Variants in ARHGAP5 observed in about 807,000 individuals in gnomAD.
ARHGAP5 encodes the protein Rho GTPase activating protein 5.
Under a neutral mutation model 116.6 loss-of-function variants are expected in ARHGAP5, and 23 were observed. That is an observed-to-expected ratio of 0.20 (90% confidence interval 0.14 to 0.28). The LOEUF (loss-of-function observed/expected upper bound fraction) is 0.28. Among genes scored for constraint, ARHGAP5 ranks in the 10% least tolerant of loss-of-function variants. The pLI is 1.00. For synonymous variants in ARHGAP5, 574 were observed against 602.0 expected, an observed-to-expected ratio of 0.95 and a Z score of 0.68; for missense variants, 1,405 against 1,774.8, an observed-to-expected ratio of 0.79 and a Z score of 3.74.
At chr14:32,132,898 A>G (rs982946794) in intron 3 of ARHGAP5, among the ~76,000 whole-genome samples, 4 of 152,126 alleles carry the variant, frequency 2.6e-5, no homozygotes, top group Admixed American at 1.3e-4. Flanking sequence ...ATAGTTGTAG[A>G]TATGTGGCAT....
rs374340165 is a variant in ARHGAP5, at chr14:32,109,486, G to A, written c.3718-7654G>A. 1.5e-4 allele frequency among the ~76,000 whole-genome samples: 23 copies of A among 152,064 alleles called. No individual in the cohort carries two copies. The East Asian group carries it at 1.9e-3, about 13-fold the overall frequency. The stretch of plus-strand genomic sequence containing the variant: ...CGCTCGTCTCCCTTTATATAGGGTA[G>A]GTTGAGGCTTTTAGTTCTGGCCTGT... On this transcript the variant is annotated intron_variant, in intron 2 of 6. Coordinates refer to ENST00000345122, the MANE Select transcript of ARHGAP5 (RefSeq NM_001030055.2).
chr14:32,158,216 A>G lies in ARHGAP5; in HGVS notation c.*3268A>G, dbSNP rs1278255982. On this transcript the variant is annotated 3_prime_UTR_variant, in exon 7 of 7. Coordinates refer to ENST00000345122, the MANE Select transcript of ARHGAP5 (RefSeq NM_001030055.2). ...TTTTTTCAAGTGAAATGAAAAATAA[A>G]AATATAAATTTATCAATATGATGGA... The G allele has an allele frequency of 1.3e-5, 2 of 151,844 alleles. No individual in the cohort carries two copies. Among genetic ancestry groups the G allele is most frequent in the East Asian group, 3.8e-4 (2 of 5,204 alleles). 9.4% of individuals were successfully genotyped at this position (151,844 alleles called of 1,614,324 possible).
rs1414040860 is a variant in ARHGAP5 at position 32,091,828 on chromosome 14, G to A, written c.1159G>A (p.Asp387Asn). 1 of 1,613,560 alleles carries A rather than the reference G, an allele frequency of 6.2e-7. No individual in the cohort carries two copies. The highest frequency in any genetic ancestry group is 2.2e-5 in the East Asian group (1 of 44,866). The change falls in exon 2 of 7, where the codon GAT becomes AAT. Residue 387 changes from aspartate (D) to asparagine (N), a missense_variant. Coordinates refer to ENST00000345122, the MANE Select transcript of ARHGAP5 (RefSeq NM_001030055.2). Reference protein sequence around the residue: ...CFVVLEKTPWDETDHIDKIND... With the variant: ...CFVVLEKTPWNETDHIDKIND... Reference sequence around the variant, plus strand: ...TGTGGTGCTAGAAAAAACTCCTTGGGATGAAACTGACCATATAGACAAAAT... The same window carrying A: ...TGTGGTGCTAGAAAAAACTCCTTGGAATGAAACTGACCATATAGACAAAAT...
intron 2 of ARHGAP5, among the ~76,000 whole-genome samples, chr14:32,095,390 A>T (rs1278496906): frequency 6.8e-6 from 1 of 147,426 alleles, no homozygotes; most frequent in Non-Finnish European, 1.5e-5. Context: ...TGGAAAAGGC[A>T]TGTAAACTTT....
chr14:32,110,141 GTATGT>G, intron 2 of ARHGAP5, among the ~76,000 whole-genome samples: 1 of 151,766 alleles, frequency 6.6e-6, no homozygotes, highest in Non-Finnish European at 1.5e-5. Context: ...GATGTTTGAG[GTATGT>G]TGATGAACAA....
At position 32,127,063 on chromosome 14, in the gene ARHGAP5, T is replaced by C. The variant is rs138344196; in HGVS notation, c.3865+9776T>C. The stretch of plus-strand genomic sequence containing the variant: ...CCCAGGCTGGAGTACAGTGGTGTAG[T>C]CTTGGCTCACTGCGACCTCCACCTC... On this transcript the variant is annotated intron_variant, in intron 3 of 6. Coordinates refer to ENST00000345122, the MANE Select transcript of ARHGAP5 (RefSeq NM_001030055.2). Among the ~76,000 whole-genome samples the C allele has an allele frequency of 8.3e-3, 1,252 of 150,222 alleles. 22 individuals carry two copies. The highest frequency in any genetic ancestry group is 0.028 in the African/African-American group (1,136 of 40,778).
At chr14:32,113,980 G>C (rs1879431200) in intron 2 of ARHGAP5, among the ~76,000 whole-genome samples, 1 of 152,178 alleles carries the variant, frequency 6.6e-6, no homozygotes, top group African/African-American at 2.4e-5. Context: ...TGTAATCCCA[G>C]CACTTTGGGA....
At chr14:32,140,058 TTCTC>T (rs200484738) in intron 3 of ARHGAP5, among the ~76,000 whole-genome samples, 1 of 147,442 alleles carries the variant, frequency 6.8e-6, no homozygotes, top group Non-Finnish European at 1.5e-5. Flanking sequence ...CCACTTCCTT[TTCTC>T]TCTCTTTTTT....
At chr14:32,111,776 TTC>T (rs1332795234) in intron 2 of ARHGAP5, among the ~76,000 whole-genome samples, 1 of 152,076 alleles carries the variant, frequency 6.6e-6, no homozygotes, top group African/African-American at 2.4e-5. Context: ...AGGTTTTTGT[TTC>T]TGTGATGAGT....
At chr14:32,129,291 A>G (rs1880355000) in intron 3 of ARHGAP5, among the ~76,000 whole-genome samples, 1 of 152,064 alleles carries the variant, frequency 6.6e-6, no homozygotes, top group South Asian at 2.1e-4. Flanking sequence ...CAGTTATGCT[A>G]GAGTAGGTGA....
intron 2 of ARHGAP5, among the ~76,000 whole-genome samples, chr14:32,098,248 CAGAT>C (rs554265785): frequency 2.0e-5 from 3 of 152,166 alleles, no homozygotes; most frequent in African/African-American, 7.2e-5. Context: ...TACTGGCACA[CAGAT>C]AGGCATATCG....
intron 1 of ARHGAP5, among the ~76,000 whole-genome samples, chr14:32,080,110 A>G (rs2041757125): frequency 6.6e-6 from 1 of 152,062 alleles, no homozygotes; most frequent in Non-Finnish European, 1.5e-5. Flanking sequence ...AAACCATATT[A>G]GAAATTAAGA....
intron 2 of ARHGAP5, among the ~76,000 whole-genome samples, chr14:32,102,717 C>T (rs924201461): frequency 1.3e-5 from 2 of 152,222 alleles, no homozygotes; most frequent in Admixed American, 6.5e-5. Flanking sequence ...TAGCACAGTA[C>T]TCTGTGTCAT....
chr14:32,146,421 A>G (rs1442782838), intron 4 of ARHGAP5, 81 bp downstream of exon 4: 1 of 1,044,424 alleles, frequency 9.6e-7, no homozygotes. Context: ...ATTGATTTTC[A>G]TTTGAAAACT....
At position 32,081,957 on chromosome 14, in the gene ARHGAP5, C is replaced by T. The variant is rs114244277; in HGVS notation, c.-169+4522C>T. Among the ~76,000 whole-genome samples, 317 of 152,184 alleles carry T rather than the reference C, an allele frequency of 2.1e-3. 2 individuals are homozygous for T. The highest frequency in any genetic ancestry group is 7.3e-3 in the African/African-American group (302 of 41,526). On this transcript the variant is annotated intron_variant, in intron 1 of 6. Coordinates refer to ENST00000345122, the MANE Select transcript of ARHGAP5 (RefSeq NM_001030055.2). ...GTAGAAGACAGTTTTTTCACGGAAC[C>T]GGGGGCATGGTTTTGGGATGAAACT...
At chr14:32,140,055 CT>C (rs1813350592) in intron 3 of ARHGAP5, among the ~76,000 whole-genome samples, 1 of 101,328 alleles carries the variant, frequency 9.9e-6, no homozygotes, top group African/African-American at 3.7e-5. Flanking sequence ...ATTCCACTTC[CT>C]TTTCTCTCTC....
chr14:32,131,757 C>T (rs969285081), intron 3 of ARHGAP5, among the ~76,000 whole-genome samples: 1 of 152,106 alleles, frequency 6.6e-6, no homozygotes, highest in Non-Finnish European at 1.5e-5. Flanking sequence ...ACAACAGTCC[C>T]CGGTGTGTGA....
chr14:32,159,711 A>G lies in ARHGAP5; in HGVS notation c.*4763A>G, dbSNP rs888495822. 6.6e-6 allele frequency: 1 copy of G among 152,194 alleles called. No homozygotes were observed. Among genetic ancestry groups the G allele is most frequent in the Non-Finnish European group, 1.5e-5 (1 of 68,028 alleles). 9.4% of individuals were successfully genotyped at this position (152,194 alleles called of 1,614,324 possible). On this transcript the variant is annotated 3_prime_UTR_variant, in exon 7 of 7. Coordinates refer to ENST00000345122, the MANE Select transcript of ARHGAP5 (RefSeq NM_001030055.2). Reference sequence around the variant, plus strand: ...GTTATTTTATTTTATCCAAATAAATATTTAGGTGTTCTAAGAAGTAGACTT... The same window carrying G: ...GTTATTTTATTTTATCCAAATAAATGTTTAGGTGTTCTAAGAAGTAGACTT...
chr14:32,142,199 A>G (rs1566682570), intron 3 of ARHGAP5, among the ~76,000 whole-genome samples: 1 of 151,772 alleles, frequency 6.6e-6, no homozygotes, highest in African/African-American at 2.4e-5. Context: ...GATCTTTGTG[A>G]TTTTTTAAAA....
Sources: gnomAD v4.1 joint callset for allele counts (sites outside exome capture counted in the v4.1 genomes callset) on GRCh38, gnomAD v4.1.1 for gene constraint, MANE v1.5 for transcripts, NCBI Gene and HGNC (gene_info 2026-07-23, HGNC 2026-07-21) for gene names.